GSE1: variants seen among roughly 807,000 people sequenced by gnomAD.
GSE1 encodes genetic suppressor element 1.
GSE1 carries 32 observed loss-of-function variants against 112.6 expected under a neutral mutation model. The ratio of observed to expected loss-of-function variants is 0.28; its 90% confidence interval spans 0.21 to 0.38. The LOEUF (loss-of-function observed/expected upper bound fraction) is 0.38. GSE1 is among the 10% of genes least tolerant of loss of function. GSE1 has a pLI of 1.00. For synonymous variants in GSE1, 1,115 were observed against 735.6 expected, an observed-to-expected ratio of 1.52 and a Z score of -8.35; for missense variants, 2,348 against 1,699.2, an observed-to-expected ratio of 1.38 and a Z score of -6.71.
chr16:85,188,385 A>G (rs1269714595), intron 1 of GSE1, among the ~76,000 whole-genome samples: 1 of 152,156 alleles, frequency 6.6e-6, no homozygotes, highest in Non-Finnish European at 1.5e-5. Context: ...TACTTTTGCT[A>G]TTTATTATTT....
intron 1 of GSE1, among the ~76,000 whole-genome samples, chr16:85,248,378 C>T (rs1487130688): frequency 6.6e-6 from 1 of 152,108 alleles, no homozygotes; most frequent in Non-Finnish European, 1.5e-5. Flanking sequence ...TTGTCTATCT[C>T]TCCCCTTTTT....
chr16:85,294,910 G>GT (rs138180011), intron 1 of GSE1, among the ~76,000 whole-genome samples: 21,788 of 151,096 alleles, frequency 0.14, 1,722 homozygotes, highest in African/African-American at 0.2. Flanking sequence ...GGGTTTTTTA[G>GT]TTTTTGTTTT....
chr16:85,409,590 A>C (rs1229316108), intron 2 of GSE1, among the ~76,000 whole-genome samples: 1 of 7,472 alleles, frequency 1.3e-4, no homozygotes, highest in African/African-American at 1.5e-4. Context: ...GATAATCCTC[A>C]CTGTTGCACT....
At chr16:85,607,898 G>A (rs1368217844), upstream of GSE1, among the ~76,000 whole-genome samples, 2 of 152,192 alleles carry the variant, frequency 1.3e-5, no homozygotes, top group Non-Finnish European at 2.9e-5. Context: ...ACACGCTGTG[G>A]CCCGGCCTGC....
intron 3 of GSE1, among the ~76,000 whole-genome samples, chr16:85,649,184 C>G (rs973526499): frequency 3.3e-5 from 5 of 152,130 alleles, no homozygotes; most frequent in Non-Finnish European, 4.4e-5. Context: ...AGCGCCCACC[C>G]TAATGTCCTT....
In GSE1 at chr16:85,546,064, C is replaced by T. The variant is rs1193547271; in HGVS notation, c.2465-87850C>T. 2.6e-5 allele frequency among the ~76,000 whole-genome samples: 4 copies of T among 151,960 alleles called. No homozygotes were observed. In the East Asian group the frequency reaches 7.8e-4, roughly 30 times the overall value. ...CCTCCCAAAGTGCTGGGATTACAGG[C>T]GGGAGCCGCCGCGCCCAGCCATTAG... On this transcript the variant is annotated intron_variant, in intron 2 of 2. Transcript: ENST00000637419.
chr16:85,332,839 G>A (rs1245204322), intron 1 of GSE1, among the ~76,000 whole-genome samples: 2 of 152,018 alleles, frequency 1.3e-5, no homozygotes, highest in Non-Finnish European at 1.5e-5. Context: ...CCTTCATGGC[G>A]GGCCCAGGGG....
At chr16:85,331,922 T>C (rs2046383974) in intron 1 of GSE1, among the ~76,000 whole-genome samples, 1 of 151,890 alleles carries the variant, frequency 6.6e-6, no homozygotes, top group South Asian at 2.1e-4. Flanking sequence ...CCTAAGACCT[T>C]TAATGAGCGC....
At chr16:85,554,674 G>T (rs2045106791), upstream of GSE1, among the ~76,000 whole-genome samples, 1 of 152,004 alleles carries the variant, frequency 6.6e-6, no homozygotes, top group Admixed American at 6.6e-5. Flanking sequence ...CCCCGCGTGG[G>T]TTCCACAAAA....
intron 1 of GSE1, among the ~76,000 whole-genome samples, chr16:85,275,563 C>T (rs1030721754): frequency 6.6e-5 from 10 of 152,320 alleles, no homozygotes; most frequent in African/African-American, 2.4e-4. Flanking sequence ...GGAGCTAGCA[C>T]CCAGCATTTC....
intron 1 of GSE1, among the ~76,000 whole-genome samples, chr16:85,293,129 C>A (rs1268276343): frequency 6.6e-6 from 1 of 152,112 alleles, no homozygotes; most frequent in Non-Finnish European, 1.5e-5. Flanking sequence ...AGCCCAGCCC[C>A]TGAGAGTCAC....
chr16:85,325,284 T>TAAA (rs774208614), intron 1 of GSE1, among the ~76,000 whole-genome samples: 8 of 152,106 alleles, frequency 5.3e-5, no homozygotes, highest in Non-Finnish European at 1.0e-4. Flanking sequence ...CTCAATGTCT[T>TAAA]AAAAAGCTTT....
chr16:85,202,270 G>A (rs191719942), intron 1 of GSE1, among the ~76,000 whole-genome samples: 135 of 152,332 alleles, frequency 8.9e-4, no homozygotes, highest in Non-Finnish European at 1.4e-3. Flanking sequence ...GGCAGCTTCC[G>A]AGGAAGGGCC....
At chr16:85,608,015 C>T (rs948935277), upstream of GSE1, among the ~76,000 whole-genome samples, 2 of 152,166 alleles carry the variant, frequency 1.3e-5, no homozygotes, top group African/African-American at 4.8e-5. Context: ...GATTTCAGAC[C>T]CACTGCACTG....
At chr16:85,586,549 C>T (rs1400468008) in intron 1 of GSE1, among the ~76,000 whole-genome samples, 4 of 152,214 alleles carry the variant, frequency 2.6e-5, no homozygotes, top group African/African-American at 9.6e-5. Context: ...TCCCGGGAGC[C>T]GGGCCACACC....
chr16:85,660,015 T>C (rs2052299247), intron 8 of GSE1, among the ~76,000 whole-genome samples: 1 of 152,154 alleles, frequency 6.6e-6, no homozygotes, highest in South Asian at 2.1e-4. Context: ...GGGCAGACAC[T>C]GGAAGGTTGT....
chr16:85,588,219 C>G (rs2046799218), intron 1 of GSE1, among the ~76,000 whole-genome samples: 1 of 152,250 alleles, frequency 6.6e-6, no homozygotes, highest in African/African-American at 2.4e-5. Context: ...AATGCACCCA[C>G]TGCTGGCTGC....
At chr16:85,502,965 A>G (rs546224494) in intron 2 of GSE1, among the ~76,000 whole-genome samples, 2 of 152,282 alleles carry the variant, frequency 1.3e-5, no homozygotes, top group African/African-American at 4.8e-5. Context: ...GGAGACAGAC[A>G]AGGTCCAGGG....
chr16:85,199,946 C>T (rs1255117764), intron 1 of GSE1, among the ~76,000 whole-genome samples: 3 of 152,106 alleles, frequency 2.0e-5, no homozygotes, highest in African/African-American at 7.2e-5. Flanking sequence ...ACGAGGGGGA[C>T]ACATGAAACT....
Sources: allele counts gnomAD v4.1 joint callset (sites outside exome capture counted in the v4.1 genomes callset), GRCh38; gene constraint gnomAD v4.1.1; transcripts MANE v1.5; gene names NCBI Gene and HGNC (gene_info 2026-07-23, HGNC 2026-07-21).